Variants in AKAP8L observed in about 807,000 individuals in gnomAD.
AKAP8L encodes A-kinase anchoring protein 8 like, also known as A-kinase anchor protein 8-like.
Under a neutral mutation model 77.5 loss-of-function variants are expected in AKAP8L, and 34 were observed. That is an observed-to-expected ratio of 0.44 (90% CI 0.33 to 0.58). The LOEUF is 0.58. Among genes scored for constraint, AKAP8L ranks in the 20% least tolerant of loss-of-function variants. The pLI, the probability that AKAP8L is intolerant of heterozygous loss-of-function variation, is 0.02. For missense variants in AKAP8L, 806 were observed against 887.6 expected, an observed-to-expected ratio of 0.91 and a Z score of 1.17; for synonymous variants, 342 against 340.7, an observed-to-expected ratio of 1.00 and a Z score of -0.04.
At chr19:15,380,889 C>A in intron 12 of AKAP8L, 1 of 464,858 alleles carries the variant, frequency 2.2e-6, no homozygotes, top group Non-Finnish European at 3.9e-6. Flanking sequence ...GATTTGCTTA[C>A]AAAAAAGCTA....
rs909813361 is a variant in AKAP8L, at chr19:15,399,484, A to G, written c.1049-74T>C. ...GGCAGGCCCTGCGGCCTCTGGCTGA[A>G]TCACCCACTGTCCACTCCAGAGGGT... On this transcript the variant is annotated intron_variant, in intron 8 of 13. Coordinates refer to ENST00000397410, the MANE Select transcript of AKAP8L (RefSeq NM_014371.4). This position sits in a 1 kb window ranked among gnomAD's most constrained non-coding sequence, Gnocchi z 6.1. 8.3e-6 allele frequency: 9 copies of G among 1,090,420 alleles called. No individual in the cohort carries two copies. Among genetic ancestry groups the G allele is most frequent in the Non-Finnish European group, 1.3e-5 (9 of 708,124 alleles). The allele number at this position is 1,090,420 out of a possible 1,614,324, so 67.5% of individuals were successfully genotyped here.
At position 15,410,495 on chromosome 19, in the gene AKAP8L, G is replaced by T. The variant is rs528143803; in HGVS notation, c.88+25C>A. The T allele has an allele frequency of 3.2e-6, 5 of 1,555,850 alleles. No individual in the cohort carries two copies. The South Asian group carries it at 3.6e-5, about 11-fold the overall frequency. The stretch of plus-strand genomic sequence containing the variant: ...AGGAACTGCTCTGCAGAACACTTTG[G>T]TTCCCACCAGAAGTCCACACTTACC... On this transcript the variant is annotated intron_variant, in intron 2 of 13. Transcript: ENST00000397410.
At chr19:15,385,923 T>C (rs888104174) in intron 12 of AKAP8L, among the ~76,000 whole-genome samples, 6 of 52,568 alleles carry the variant, frequency 1.1e-4, no homozygotes, top group African/African-American at 5.5e-4. Context: ...TTTTTCTTTT[T>C]TTTTTTTTGA....
At chr19:15,415,693 T>C (rs1968192375) in intron 1 of AKAP8L, among the ~76,000 whole-genome samples, 1 of 152,018 alleles carries the variant, frequency 6.6e-6, no homozygotes, top group Non-Finnish European at 1.5e-5. Context: ...AAGACCATCC[T>C]GGCTAACAAG....
At chr19:15,390,600 AC>A (rs1967640739) in intron 12 of AKAP8L, among the ~76,000 whole-genome samples, 1 of 152,132 alleles carries the variant, frequency 6.6e-6, no homozygotes, top group Admixed American at 6.6e-5. Flanking sequence ...TTAACCTGAT[AC>A]CCAAACCAGA....
In AKAP8L at chr19:15,397,460, G is replaced by C. The variant is rs544202650; in HGVS notation, c.1405+60C>G. 5.9e-6 allele frequency: 9 copies of C among 1,535,178 alleles called. No individual in the cohort carries two copies. In the South Asian group the frequency reaches 8.0e-5, roughly 14 times the overall value. On this transcript the variant is annotated intron_variant, in intron 11 of 13. Coordinates refer to ENST00000397410, the MANE Select transcript of AKAP8L (RefSeq NM_014371.4). This position sits in a 1 kb window ranked among gnomAD's most constrained non-coding sequence, Gnocchi z 4.7. ...CAGAAGGGTGTCCTGACCCTGCACC[G>C]AAAATCAGGAGTGCAGGCTGAGGCC...
chr19:15,383,484 G>C (rs1423713096), intron 12 of AKAP8L: 1 of 152,144 alleles, frequency 6.6e-6, no homozygotes, highest in Non-Finnish European at 1.5e-5. Flanking sequence ...GTGAGCCACT[G>C]CCCCCAGCCT....
Position 15,398,800 on chromosome 19 carries a change from A to G in AKAP8L, c.1157+502T>C. On this transcript the variant is annotated intron_variant, in intron 9 of 13. Transcript: ENST00000397410. This position sits in a 1 kb window ranked among gnomAD's most constrained non-coding sequence, Gnocchi z 9.2. ...AGACAGACCCGACCAAGGGGCGTGA[A>G]GGGCTCAGCCGCAGACAGGCCCGGC... 8 of 1,002,762 alleles carry G rather than the reference A, an allele frequency of 8.0e-6. No homozygotes were observed. Among genetic ancestry groups the G allele is most frequent in the Non-Finnish European group, 9.5e-6 (8 of 840,754 alleles). 62.1% of individuals were successfully genotyped at this position (1,002,762 alleles called of 1,614,324 possible). A position where few individuals can be genotyped will look rare whatever the true frequency, so the allele number is the denominator to read the frequency against.
intron 12 of AKAP8L, among the ~76,000 whole-genome samples, chr19:15,387,981 G>A (rs868320631): frequency 6.6e-6 from 1 of 151,744 alleles, no homozygotes; most frequent in Non-Finnish European, 1.5e-5. Flanking sequence ...GGGGAGGGGA[G>A]GGGAAAAAAA....
intron 1 of AKAP8L, 54 bp from the exon 2 acceptor site, chr19:15,410,648 C>T: frequency 7.2e-7 from 1 of 1,385,982 alleles, no homozygotes; most frequent in Non-Finnish European, 1.0e-6. Flanking sequence ...AGGGAAATGA[C>T]CTGAGACTAC....
chr19:15,412,095 C>G (rs1968116033), intron 1 of AKAP8L, among the ~76,000 whole-genome samples: 1 of 152,186 alleles, frequency 6.6e-6, no homozygotes, highest in African/African-American at 2.4e-5. Context: ...GTAGTCCCAG[C>G]TGCGCAGGAG....
At chr19:15,394,934 C>T (rs1327343743) in intron 12 of AKAP8L, among the ~76,000 whole-genome samples, 3 of 150,232 alleles carry the variant, frequency 2.0e-5, no homozygotes, top group Non-Finnish European at 4.4e-5. Context: ...AACCTCTCTA[C>T]GGTTACCAGC....
chr19:15,410,415 A>G (rs1968085183), intron 2 of AKAP8L, 105 bp downstream of exon 2: 1 of 945,504 alleles, frequency 1.1e-6, no homozygotes. Flanking sequence ...ACACAAGTTT[A>G]GGTTTAAAAA....
rs1967374806 is a variant in AKAP8L, at chr19:15,380,306, G to A, written c.1757C>T (p.Pro586Leu). 2.0e-6 allele frequency: 3 copies of A among 1,532,032 alleles called. No homozygotes were observed. Among genetic ancestry groups the A allele is most frequent in the Non-Finnish European group, 2.6e-6 (3 of 1,145,276 alleles). The allele number at this position is 1,532,032 out of a possible 1,614,324, so 94.9% of individuals were successfully genotyped here. Residue 586 changes from proline (P) to leucine (L), a missense_variant, in exon 14 of 14, where the codon CCG becomes CTG. This residue lies in a region of AKAP8L where 226 missense variants were observed against 193.5 expected (regional missense o/e 1.17). Transcript: ENST00000397410. The stretch of plus-strand genomic sequence containing the variant: ...CTCTGGGGGCACGGGAGGCTGCGCC[G>A]GCACGCCCTCTGCGCCCTCCGAGAT... ...AGISEGAEGV[P>L]AQPPVPPEPA...
At chr19:15,388,574 G>A (rs919763516) in intron 12 of AKAP8L, among the ~76,000 whole-genome samples, 1 of 152,022 alleles carries the variant, frequency 6.6e-6, no homozygotes, top group Non-Finnish European at 1.5e-5. Flanking sequence ...GTACAATAAC[G>A]GACACCAAAA....
At chr19:15,389,058 A>G (rs1967602707) in intron 12 of AKAP8L, among the ~76,000 whole-genome samples, 1 of 148,144 alleles carries the variant, frequency 6.8e-6, no homozygotes, top group Non-Finnish European at 1.5e-5. Flanking sequence ...ACTAAAAAAA[A>G]AAAAAAATAC....
intron 2 of AKAP8L, among the ~76,000 whole-genome samples, 175 bp downstream of exon 2, chr19:15,410,345 T>C (rs1968083828): frequency 1.3e-5 from 2 of 152,234 alleles, no homozygotes; most frequent in Non-Finnish European, 2.9e-5. Context: ...GGAACACAGC[T>C]ACTTTTCCCA....
At position 15,403,503 on chromosome 19, in the gene AKAP8L, C is replaced by T; in HGVS notation, c.334G>A (p.Gly112Arg). Residue 112 changes from glycine (G) to arginine (R), a missense_variant, in exon 4 of 14, where the codon GGA (glycine) becomes AGA (arginine). Physicochemically the swap from Gly to Arg is moderately radical, Grantham distance 125. This residue lies in a region of AKAP8L where 580 missense variants were observed against 694.1 expected (regional missense o/e 0.84). Transcript: ENST00000397410. This position sits in a 1 kb window ranked among gnomAD's most constrained non-coding sequence, Gnocchi z 4.3. ...TCTCCACCTGAGCCGTACACGCCTC[C>T]TTGCATCATGTCTGTCTCCAAATGC... ...VPHLETDMMQ[G>R]GVYGSGGERY... 1 of 1,614,012 alleles carries T rather than the reference C, an allele frequency of 6.2e-7. No individual in the cohort carries two copies. Among genetic ancestry groups the T allele is most frequent in the African/African-American group, 1.3e-5 (1 of 75,052 alleles).
At position 15,388,630 on chromosome 19, in the gene AKAP8L, C is replaced by A. The variant is rs560343285; in HGVS notation, c.1537-8018G>T. ...AGATTTGAACTTAAGAATTAGTGAA[C>A]TTGGGCCGGGTGCGGTGGCTCACGC... On this transcript the variant is annotated intron_variant, in intron 12 of 13. Coordinates refer to ENST00000397410, the MANE Select transcript of AKAP8L (RefSeq NM_014371.4). Among the ~76,000 whole-genome samples the A allele has an allele frequency of 3.3e-5, 5 of 152,194 alleles. No homozygotes were observed. The South Asian group carries it at 1.0e-3, about 32-fold the overall frequency.
Sources: gnomAD v4.1 joint callset for allele counts (sites outside exome capture counted in the v4.1 genomes callset) on GRCh38, gnomAD v4.1.1 for gene constraint, gnomAD v4.1.1 regional missense constraint, Gnocchi (gnomAD v3.1) non-coding constraint, MANE v1.5 for transcripts, NCBI Gene and HGNC (gene_info 2026-07-23, HGNC 2026-07-21) for gene names.